SAP130: variants seen among roughly 807,000 people sequenced by gnomAD.
SAP130 encodes Sin3A associated protein 130.
A neutral mutation model predicts 103.2 loss-of-function variants in SAP130; 16 were observed. The observed-to-expected ratio is 0.16, with a 90% confidence interval of 0.10 to 0.24. SAP130 has a LOEUF of 0.24. Ranked by LOEUF, SAP130 falls within the 10% of genes least tolerant of loss-of-function variation. SAP130 has a pLI of 1.00. For missense variants in SAP130, 990 were observed against 1,359.7 expected, an observed-to-expected ratio of 0.73 and a Z score of 4.28; for synonymous variants, 477 against 497.0, an observed-to-expected ratio of 0.96 and a Z score of 0.53.
rs2104763568 is a variant in SAP130, at chr2:127,955,810, T to G, written c.2064-466A>C. ...GCTCTAATACTCTATTCCTTGACTT[T>G]AAAGTTTAACAAAGCAATTTTAAAT... On this transcript the variant is annotated intron_variant, in intron 15 of 20. Coordinates refer to ENST00000643581, the MANE Select transcript of SAP130 (RefSeq NM_001330301.2). The surrounding 1 kb of genome is among the most constrained non-coding windows in gnomAD (Gnocchi z 4.9). 6.6e-6 allele frequency among the ~76,000 whole-genome samples: 1 copy of G among 152,330 alleles called. No homozygotes were observed. Among genetic ancestry groups the G allele is most frequent in the South Asian group, 2.1e-4 (1 of 4,820 alleles).
Position 127,991,173 on chromosome 2 carries a change from C to T in SAP130, c.1478-1307G>A, listed in dbSNP as rs528354248. ...AGTGAAGCAGGAGAATCACTTGAAG[C>T]TGGGAGGTGGAGGTTGCAGTGAGCC... On this transcript the variant is annotated intron_variant, in intron 12 of 20. Coordinates refer to ENST00000643581, the MANE Select transcript of SAP130 (RefSeq NM_001330301.2). 3.3e-5 allele frequency among the ~76,000 whole-genome samples: 5 copies of T among 151,906 alleles called. No homozygotes were observed. In the East Asian group the frequency reaches 9.8e-4, roughly 30 times the overall value.
intron 15 of SAP130, among the ~76,000 whole-genome samples, chr2:127,968,074 T>C (rs979343256): frequency 1.3e-5 from 2 of 152,096 alleles, no homozygotes. Flanking sequence ...CCTTAAACTT[T>C]TGGCGTCTTC....
At chr2:128,025,684 G>C (rs1685452577) in intron 2 of SAP130, among the ~76,000 whole-genome samples, 1 of 152,174 alleles carries the variant, frequency 6.6e-6, no homozygotes, top group Non-Finnish European at 1.5e-5. Context: ...TGGAGGATAG[G>C]TATAGGTAAT....
intron 7 of SAP130, among the ~76,000 whole-genome samples, chr2:128,006,554 C>T (rs189198492): frequency 6.3e-4 from 96 of 152,254 alleles, no homozygotes; most frequent in African/African-American, 2.2e-3. Context: ...GCAGATGGAT[C>T]GCTTGAGCCC....
At position 127,955,730 on chromosome 2, in the gene SAP130, C is replaced by T. The variant is rs549839550; in HGVS notation, c.2064-386G>A. On this transcript the variant is annotated intron_variant, in intron 15 of 20. Transcript: ENST00000643581. The surrounding 1 kb of genome is among the most constrained non-coding windows in gnomAD (Gnocchi z 4.9). Reference sequence around the variant, plus strand: ...CTCCAACTCCTGAACTCAAGTGATCCGCCTGCCTCGGCCTCCCAAAGTGAT... The same window carrying T: ...CTCCAACTCCTGAACTCAAGTGATCTGCCTGCCTCGGCCTCCCAAAGTGAT... Among the ~76,000 whole-genome samples the T allele has an allele frequency of 3.3e-4, 51 of 152,240 alleles. No homozygotes were observed. In the South Asian group the frequency reaches 8.3e-3, roughly 25 times the overall value.
At chr2:127,971,878 T>C (rs1681118122) in intron 15 of SAP130, among the ~76,000 whole-genome samples, 1 of 152,256 alleles carries the variant, frequency 6.6e-6, no homozygotes, top group African/African-American at 2.4e-5. Context: ...AACAGATTAA[T>C]ATACTTTGTT....
At chr2:127,977,920 G>T in intron 15 of SAP130, 65 bp downstream of exon 15, 1 of 1,198,602 alleles carries the variant, frequency 8.3e-7, no homozygotes, top group South Asian at 1.3e-5. Context: ...AGGAATATTA[G>T]ACTCTCCCCA....
chr2:128,020,172 G>A (rs976380517), intron 2 of SAP130, among the ~76,000 whole-genome samples: 1 of 151,940 alleles, frequency 6.6e-6, no homozygotes, highest in Non-Finnish European at 1.5e-5. Context: ...TTTTCTTGAA[G>A]TATGATTTTC....
chr2:127,974,135 G>A (rs886128228), intron 15 of SAP130, among the ~76,000 whole-genome samples: 1 of 152,134 alleles, frequency 6.6e-6, no homozygotes, highest in African/African-American at 2.4e-5. Context: ...GCTCTCACCT[G>A]GTCTTCCTGC....
At chr2:127,944,915 A>T (rs1046890962) in intron 19 of SAP130, among the ~76,000 whole-genome samples, 1 of 151,882 alleles carries the variant, frequency 6.6e-6, no homozygotes, top group East Asian at 1.9e-4. Flanking sequence ...AAAAAAAAAA[A>T]AAAAAAAAAG....
intron 15 of SAP130, among the ~76,000 whole-genome samples, chr2:127,974,160 T>G (rs1483355846): frequency 6.6e-6 from 1 of 152,220 alleles, no homozygotes; most frequent in Non-Finnish European, 1.5e-5. Context: ...ACCCTTGCTC[T>G]GCTGCAGTTT....
At chr2:128,015,003 G>T in intron 4 of SAP130, 89 bp from the exon 5 acceptor site, 1 of 1,059,980 alleles carries the variant, frequency 9.4e-7, no homozygotes, top group Non-Finnish European at 1.4e-6. Flanking sequence ...TGTGGGTCAG[G>T]TTGTTTTTTA....
At chr2:127,956,700 A>G (rs1249355179) in intron 15 of SAP130, among the ~76,000 whole-genome samples, 2 of 36,336 alleles carry the variant, frequency 5.5e-5, no homozygotes, top group Non-Finnish European at 7.4e-5. Flanking sequence ...CTTAAAGTAT[A>G]ATAAAAAAAA....
At chr2:127,963,693 C>G (rs372717966) in intron 15 of SAP130, among the ~76,000 whole-genome samples, 8 of 152,156 alleles carry the variant, frequency 5.3e-5, no homozygotes, top group African/African-American at 1.9e-4. Flanking sequence ...ATCACGGGGG[C>G]GGGTCTTTCT....
At chr2:128,018,020 T>G in intron 2 of SAP130, 105 bp from the exon 3 acceptor site, 1 of 895,126 alleles carries the variant, frequency 1.1e-6, no homozygotes, top group Non-Finnish European at 1.7e-6. Flanking sequence ...ATTGACAAAG[T>G]GGCCATTTCC....
chr2:127,951,165 G>A (rs1347038452), intron 16 of SAP130, among the ~76,000 whole-genome samples: 2 of 152,164 alleles, frequency 1.3e-5, no homozygotes, highest in Non-Finnish European at 2.9e-5. Context: ...GAGGCAGTCT[G>A]GCTTCAGAGC....
At chr2:128,003,822 A>G (rs959495510) in intron 7 of SAP130, among the ~76,000 whole-genome samples, 38 of 152,140 alleles carry the variant, frequency 2.5e-4, no homozygotes, top group Non-Finnish European at 4.9e-4. Flanking sequence ...CAGACTCAGC[A>G]TCCCCAATCC....
In SAP130 at chr2:127,970,459, T is replaced by C. The variant is rs182962626; in HGVS notation, c.2063+7526A>G. ...AGGAGGCTGAGGCAGGAGAATAACT[T>C]GAACCAGGGTGTTGGAGGTTGCAGT... On this transcript the variant is annotated intron_variant, in intron 15 of 20. Transcript: ENST00000643581. Among the ~76,000 whole-genome samples, 665 of 144,926 alleles carry C rather than the reference T, an allele frequency of 4.6e-3. 6 individuals carry two copies. Among genetic ancestry groups the C allele is most frequent in the African/African-American group, 0.016 (624 of 39,238 alleles).
rs1178237187 is a variant in SAP130 at position 127,953,096 on chromosome 2, C to G, written c.2422+1890G>C. On this transcript the variant is annotated intron_variant, in intron 16 of 20. Coordinates refer to ENST00000643581, the MANE Select transcript of SAP130 (RefSeq NM_001330301.2). The surrounding 1 kb of genome is among the most constrained non-coding windows in gnomAD (Gnocchi z 4.0). ...TGTCTAACAGACATCTGAAACTTAC[C>G]CTATCAAAAACTAAACTCCTAATCT... Among the ~76,000 whole-genome samples, 2 of 152,030 alleles carry G rather than the reference C, an allele frequency of 1.3e-5. No homozygotes were observed. Among genetic ancestry groups the G allele is most frequent in the African/African-American group, 4.8e-5 (2 of 41,378 alleles).
Sources: gnomAD v4.1 joint callset for allele counts (sites outside exome capture counted in the v4.1 genomes callset) on GRCh38, gnomAD v4.1.1 for gene constraint, Gnocchi (gnomAD v3.1) non-coding constraint, MANE v1.5 for transcripts, NCBI Gene and HGNC (gene_info 2026-07-23, HGNC 2026-07-21) for gene names.